GTF2B: variants seen among roughly 807,000 people sequenced by gnomAD.
GTF2B encodes the protein transcription initiation factor IIB.
Under a neutral mutation model 34.6 loss-of-function variants are expected in GTF2B, and 20 were observed. The observed-to-expected ratio is 0.58, with a 90% CI of 0.41 to 0.84. The LOEUF (loss-of-function observed/expected upper bound fraction) is 0.84. GTF2B is among the 40% of genes least tolerant of loss of function. The pLI is 0.00. For missense variants in GTF2B, 237 were observed against 393.3 expected, an observed-to-expected ratio of 0.60 and a Z score of 3.36; for synonymous variants, 142 against 132.4, an observed-to-expected ratio of 1.07 and a Z score of -0.50.
chr1:88,854,113 T>A (rs66827886), intron 6 of GTF2B, among the ~76,000 whole-genome samples: 1 of 152,098 alleles, frequency 6.6e-6, no homozygotes, highest in South Asian at 2.1e-4. Context: ...TCCACAAATA[T>A]GTTCTTGTAA....
chr1:88,860,406 A>C (rs979865324), intron 3 of GTF2B, 120 bp from the exon 4 acceptor site: 5 of 671,604 alleles, frequency 7.4e-6, no homozygotes, highest in African/African-American at 7.2e-5. Context: ...TGAATTGTGC[A>C]TCCTGCTCAT....
At chr1:88,877,752 C>T (rs954148073) in intron 2 of GTF2B, among the ~76,000 whole-genome samples, 1 of 152,144 alleles carries the variant, frequency 6.6e-6, no homozygotes, top group East Asian at 1.9e-4. Flanking sequence ...GCCTATATGG[C>T]GAAACCCTAT....
chr1:88,860,242 G>A lies in GTF2B; in HGVS notation c.303C>T (p.Tyr101=). Residue 101 remains tyrosine, a synonymous_variant, in exon 4 of 7, where the codon TAC becomes TAT. Transcript: ENST00000370500. ...AACTGCTCATTGTTCTCCGATTCTG[G>A]TACTTAGAATTGCCAAATTCGTCAA... The part of the protein sequence containing the change: ...ASFDEFGNSK[Y]QNRRTMSSSD... The A allele has an allele frequency of 1.9e-6, 3 of 1,613,718 alleles. No individual in the cohort carries two copies. Among genetic ancestry groups the A allele is most frequent in the South Asian group, 2.2e-5 (2 of 91,080 alleles).
chr1:88,871,396 C>T (rs983020811), intron 2 of GTF2B, among the ~76,000 whole-genome samples: 1 of 152,084 alleles, frequency 6.6e-6, no homozygotes, highest in African/African-American at 2.4e-5. Context: ...CTTCTTACAC[C>T]ATCCTTATTC....
chr1:88,865,857 A>AAAAC (rs10649931), intron 2 of GTF2B, among the ~76,000 whole-genome samples: 7,130 of 148,728 alleles, frequency 0.048, 386 homozygotes, highest in African/African-American at 0.14. Flanking sequence ...AAAACAAAAC[A>AAAAC]AAACAAACAA....
intron 2 of GTF2B, among the ~76,000 whole-genome samples, chr1:88,882,310 C>CAAAAAAAAAAAAAA (rs59699371): frequency 3.9e-4 from 14 of 36,020 alleles, no homozygotes; most frequent in African/African-American, 1.0e-3. Context: ...ACTCTCACTC[C>CAAAAAAAAAAAAAA]AAAAAAAAAA....
Position 88,865,876 on chromosome 1 carries a change from A to T in GTF2B, c.125-1762T>A, listed in dbSNP as rs556691476. On this transcript the variant is annotated intron_variant, in intron 2 of 6. Coordinates refer to ENST00000370500, the MANE Select transcript of GTF2B (RefSeq NM_001514.6). The stretch of plus-strand genomic sequence containing the variant: ...CAAAACAAAACAAACAAACAAACAA[A>T]AATTAATCTCCATAGAAGACTTTAA... Among the ~76,000 whole-genome samples, 4 of 149,060 alleles carry T rather than the reference A, an allele frequency of 2.7e-5. No individual in the cohort carries two copies. In the South Asian group the frequency reaches 8.3e-4, roughly 31 times the overall value.
At chr1:88,885,916 AT>A (rs1297151932) in intron 2 of GTF2B, among the ~76,000 whole-genome samples, 2 of 152,188 alleles carry the variant, frequency 1.3e-5, no homozygotes, top group Non-Finnish European at 2.9e-5. Context: ...AAATTTTATT[AT>A]TATGAAAGGC....
At chr1:88,872,313 C>T (rs891704989) in intron 2 of GTF2B, among the ~76,000 whole-genome samples, 3 of 151,504 alleles carry the variant, frequency 2.0e-5, no homozygotes, top group South Asian at 2.1e-4. Flanking sequence ...ATTAGATGGG[C>T]GTGGTGCTGC....
chr1:88,872,795 C>T (rs986498304), intron 2 of GTF2B, among the ~76,000 whole-genome samples: 2 of 152,104 alleles, frequency 1.3e-5, no homozygotes, highest in African/African-American at 4.8e-5. Context: ...CACCTAAAAA[C>T]CAGTTTTATT....
chr1:88,875,169 T>C (rs1673791755), intron 2 of GTF2B, among the ~76,000 whole-genome samples: 1 of 152,232 alleles, frequency 6.6e-6, no homozygotes, highest in Admixed American at 6.5e-5. Context: ...CAAGAGATAC[T>C]TTATAAAGAA....
At chr1:88,875,749 T>C (rs1673804281) in intron 2 of GTF2B, among the ~76,000 whole-genome samples, 1 of 152,240 alleles carries the variant, frequency 6.6e-6, no homozygotes, top group Admixed American at 6.5e-5. Flanking sequence ...TAAGTTACCC[T>C]ACTCTCTTTC....
chr1:88,888,424 G>A (rs376298976), intron 1 of GTF2B, among the ~76,000 whole-genome samples: 1 of 152,094 alleles, frequency 6.6e-6, no homozygotes, highest in Non-Finnish European at 1.5e-5. Context: ...AACACGGGGG[G>A]ATGAGTATTA....
At chr1:88,889,428 T>C (rs984222470) in intron 1 of GTF2B, among the ~76,000 whole-genome samples, 4 of 152,240 alleles carry the variant, frequency 2.6e-5, no homozygotes, top group African/African-American at 9.6e-5. Flanking sequence ...TCGAGACTAC[T>C]CAAGTACCAG....
chr1:88,856,280 A>ACC lies in GTF2B; in HGVS notation c.817+925_817+926insGG, dbSNP rs1557652095. On this transcript the variant is annotated intron_variant, in intron 6 of 6. Coordinates refer to ENST00000370500, the MANE Select transcript of GTF2B (RefSeq NM_001514.6). ...GGAGACTGTTTCAAAAACAAAAAAA[A>ACC]AAAAAAAAAACAAAAAAAAAAAAGG... Among the ~76,000 whole-genome samples the ACC allele has an allele frequency of 3.4e-5, 4 of 116,798 alleles. No individual in the cohort carries two copies. In the South Asian group the frequency reaches 9.5e-4, roughly 28 times the overall value. The allele number at this position is 116,798 out of a possible 152,430, so 76.6% of individuals were successfully genotyped here.
chr1:88,853,064 A>G lies in GTF2B; in HGVS notation c.*149T>C. ...TTAAATATGTTTCACTAGTATATACATACAGAATGCCAAGCAATAGTATTC... is the reference window on the plus strand; with the variant it reads ...TTAAATATGTTTCACTAGTATATACGTACAGAATGCCAAGCAATAGTATTC... On this transcript the variant is annotated 3_prime_UTR_variant, in exon 7 of 7. Transcript: ENST00000370500. 1.4e-6 allele frequency: 1 copy of G among 728,712 alleles called. No homozygotes were observed. The highest frequency in any genetic ancestry group is 1.5e-5 in the South Asian group (1 of 65,596). 45.1% of individuals were successfully genotyped at this position (728,712 alleles called of 1,614,324 possible). A position where few individuals can be genotyped will look rare whatever the true frequency, so the allele number is the denominator to read the frequency against.
intron 2 of GTF2B, among the ~76,000 whole-genome samples, chr1:88,864,997 C>T (rs1673516888): frequency 6.6e-6 from 1 of 152,146 alleles, no homozygotes; most frequent in African/African-American, 2.4e-5. Context: ...AAAACATGAC[C>T]TTTTTCAGTG....
chr1:88,859,860 A>G (rs1393875994), intron 5 of GTF2B, 22 bp downstream of exon 5: 1 of 1,605,722 alleles, frequency 6.2e-7, no homozygotes, highest in East Asian at 2.2e-5. Flanking sequence ...ACAAACACAA[A>G]AAAACAAAGC....
intron 2 of GTF2B, among the ~76,000 whole-genome samples, chr1:88,874,906 C>T (rs933092438): frequency 6.6e-6 from 1 of 150,748 alleles, no homozygotes; most frequent in Admixed American, 6.6e-5. Flanking sequence ...AAACTCTAAA[C>T]ATCAAATATT....
Sources: allele counts gnomAD v4.1 joint callset (sites outside exome capture counted in the v4.1 genomes callset), GRCh38; gene constraint gnomAD v4.1.1; transcripts MANE v1.5; gene names NCBI Gene and HGNC (gene_info 2026-07-23, HGNC 2026-07-21).